Variants in GRK5 observed in about 807,000 individuals in gnomAD.
GRK5 encodes the protein g protein-coupled receptor kinase GRK5.
A neutral mutation model predicts 78.4 loss-of-function variants in GRK5; 40 were observed. The observed-to-expected ratio is 0.51, with a 90% confidence interval of 0.40 to 0.66. GRK5 has a LOEUF of 0.66. GRK5 is among the 30% of genes least tolerant of loss of function. The pLI is 0.00. For synonymous variants in GRK5, 289 were observed against 296.8 expected, an observed-to-expected ratio of 0.97 and a Z score of 0.27; for missense variants, 598 against 759.9, an observed-to-expected ratio of 0.79 and a Z score of 2.50.
At chr10:119,408,536 T>C (rs929577557) in intron 4 of GRK5, among the ~76,000 whole-genome samples, 1 of 152,172 alleles carries the variant, frequency 6.6e-6, no homozygotes, top group African/African-American at 2.4e-5. Context: ...GAAGCGCTAA[T>C]ACATGCCCCA....
chr10:119,287,067 A>AG (rs1849859331), intron 1 of GRK5, among the ~76,000 whole-genome samples: 1 of 147,726 alleles, frequency 6.8e-6, no homozygotes, highest in African/African-American at 2.5e-5. Context: ...GGAGGAAAGA[A>AG]GGAAGAAAGG....
At chr10:119,240,408 A>G (rs947761137) in intron 1 of GRK5, among the ~76,000 whole-genome samples, 1 of 151,484 alleles carries the variant, frequency 6.6e-6, no homozygotes, top group Non-Finnish European at 1.5e-5. Context: ...TCACCATGTT[A>G]GCCAGGATGG....
intron 3 of GRK5, among the ~76,000 whole-genome samples, chr10:119,392,314 A>G (rs1363869590): frequency 2.6e-5 from 4 of 152,354 alleles, no homozygotes. Flanking sequence ...GGCATAAATC[A>G]CAATGCAGGG....
chr10:119,302,000 A>G (rs1850190880), intron 1 of GRK5, among the ~76,000 whole-genome samples: 1 of 152,150 alleles, frequency 6.6e-6, no homozygotes, highest in Non-Finnish European at 1.5e-5. Flanking sequence ...AGGAGACTTG[A>G]TTTCTTATGA....
chr10:119,294,509 G>T lies in GRK5; in HGVS notation c.53-32007G>T, dbSNP rs116959148. Among the ~76,000 whole-genome samples, 145 of 152,276 alleles carry T rather than the reference G, an allele frequency of 9.5e-4. 3 individuals carry two copies. In the East Asian group the frequency reaches 0.026, roughly 28 times the overall value. ...GACCTCTGGGCTTTTCTCTCCAAATGCTCTTGTTCTCAGGAAAGGGCCAAG... is the reference window on the plus strand; with the variant it reads ...GACCTCTGGGCTTTTCTCTCCAAATTCTCTTGTTCTCAGGAAAGGGCCAAG... On this transcript the variant is annotated intron_variant, in intron 1 of 15. Coordinates refer to ENST00000392870, the MANE Select transcript of GRK5 (RefSeq NM_005308.3).
At chr10:119,400,470 G>T (rs563477931) in intron 4 of GRK5, among the ~76,000 whole-genome samples, 1 of 152,298 alleles carries the variant, frequency 6.6e-6, no homozygotes, top group South Asian at 2.1e-4. Flanking sequence ...GATGCGTAGA[G>T]GCCATGGATG....
At chr10:119,291,325 C>G (rs981327325) in intron 1 of GRK5, among the ~76,000 whole-genome samples, 5 of 152,190 alleles carry the variant, frequency 3.3e-5, no homozygotes, top group African/African-American at 1.2e-4. Flanking sequence ...CATTTAGCTA[C>G]ACCCAGGGTT....
intron 1 of GRK5, among the ~76,000 whole-genome samples, chr10:119,282,273 T>C (rs1849774860): frequency 6.6e-6 from 1 of 152,212 alleles, no homozygotes; most frequent in African/African-American, 2.4e-5. Flanking sequence ...CACAAACCTT[T>C]CTCTGAGCCT....
chr10:119,304,618 G>C (rs899981756), intron 1 of GRK5, among the ~76,000 whole-genome samples: 2 of 152,176 alleles, frequency 1.3e-5, no homozygotes, highest in African/African-American at 4.8e-5. Flanking sequence ...TCCACCTAGC[G>C]AGCAGCTGAG....
intron 1 of GRK5, among the ~76,000 whole-genome samples, chr10:119,312,672 G>A (rs1850379648): frequency 6.6e-6 from 1 of 152,206 alleles, no homozygotes; most frequent in Non-Finnish European, 1.5e-5. Context: ...CAGGGAGGCA[G>A]TAGGGGCCGA....
chr10:119,287,845 C>T (rs757081264), intron 1 of GRK5, among the ~76,000 whole-genome samples: 3 of 152,196 alleles, frequency 2.0e-5, no homozygotes, highest in South Asian at 2.1e-4. Flanking sequence ...CCATAGAGGA[C>T]GCTGAGGCTT....
chr10:119,309,246 AC>A (rs1850322414), intron 1 of GRK5, among the ~76,000 whole-genome samples: 1 of 152,020 alleles, frequency 6.6e-6, no homozygotes, highest in African/African-American at 2.4e-5. Flanking sequence ...TAGTATTGTC[AC>A]CTGGCATGGG....
intron 2 of GRK5, among the ~76,000 whole-genome samples, chr10:119,356,598 G>C (rs897792379): frequency 6.6e-6 from 1 of 152,110 alleles, no homozygotes; most frequent in African/African-American, 2.4e-5. Context: ...TCTATATCCA[G>C]CATTACCTAA....
intron 4 of GRK5, among the ~76,000 whole-genome samples, chr10:119,401,319 G>A (rs72837517): frequency 0.026 from 3,949 of 152,310 alleles, 57 homozygotes; most frequent in Middle Eastern, 0.034. Context: ...TATCTCAAGA[G>A]GCAAACCCCA....
intron 2 of GRK5, among the ~76,000 whole-genome samples, chr10:119,339,889 C>T (rs1248769613): frequency 6.6e-6 from 1 of 152,094 alleles, no homozygotes. Context: ...GAGTGAAACT[C>T]TGTCTCTATT....
intron 2 of GRK5, among the ~76,000 whole-genome samples, chr10:119,373,512 C>A (rs1200687916): frequency 6.6e-6 from 1 of 152,182 alleles, no homozygotes; most frequent in Non-Finnish European, 1.5e-5. Context: ...TGTAAGACGT[C>A]CCTTGCTCTT....
chr10:119,218,788 G>C (rs1221916368), intron 1 of GRK5, among the ~76,000 whole-genome samples: 1 of 152,086 alleles, frequency 6.6e-6, no homozygotes, highest in Non-Finnish European at 1.5e-5. Context: ...TGTGTCTAAT[G>C]AATATGTTCC....
chr10:119,250,907 T>C (rs951392324), intron 1 of GRK5, among the ~76,000 whole-genome samples: 2 of 152,194 alleles, frequency 1.3e-5, no homozygotes, highest in African/African-American at 4.8e-5. Flanking sequence ...TTGGGTGATA[T>C]GTCTATTTCT....
chr10:119,275,613 G>GCGCGCACACACACA (rs1195537574), intron 1 of GRK5, among the ~76,000 whole-genome samples: 5 of 120,678 alleles, frequency 4.1e-5, no homozygotes, highest in Non-Finnish European at 9.2e-5. Context: ...TCTCTCTCTC[G>GCGCGCACACACACA]CACACACACA....
Sources: allele counts gnomAD v4.1 joint callset (sites outside exome capture counted in the v4.1 genomes callset), GRCh38; gene constraint gnomAD v4.1.1; transcripts MANE v1.5; gene names NCBI Gene and HGNC (gene_info 2026-07-23, HGNC 2026-07-21).